The following HGSNAT variants were observed in gnomAD, a reference collection of about 807,000 sequenced individuals.
HGSNAT encodes heparan-alpha-glucosaminide N-acetyltransferase.
In HGSNAT, 59 loss-of-function variants were observed where a neutral mutation model predicts 85.2. The observed-to-expected ratio is 0.69, with a 90% CI of 0.56 to 0.86. HGSNAT has a LOEUF of 0.86. HGSNAT is among the 40% of genes least tolerant of loss of function. The probability of loss-of-function intolerance (pLI) is 0.00; values close to 1 mark genes in which losing one functional copy is unlikely to be tolerated. For synonymous variants in HGSNAT, 321 were observed against 304.5 expected, an observed-to-expected ratio of 1.05 and a Z score of -0.56; for missense variants, 756 against 777.1, an observed-to-expected ratio of 0.97 and a Z score of 0.32.
At chr8:43,167,923 C>CTTT in intron 5 of HGSNAT, 21 of 236,538 alleles carry the variant, frequency 8.9e-5, no homozygotes, top group South Asian at 3.0e-4. Context: ...TTCTTTCTTT[C>CTTT]TTTTTTTTTT....
Position 43,191,594 on chromosome 8 carries a change from A to G in HGSNAT, c.1249A>G (p.Thr417Ala). ...CCTCCTGCCAGTCCCTGGGTGCCCT[A>G]CGTAAGCGAACCCCTGGGGGTCATC... Reference protein sequence around the residue: ...TFLLPVPGCPTGYLGPGGIGD... With the variant: ...TFLLPVPGCPAGYLGPGGIGD... Residue 417 changes from threonine to alanine, a missense_variant and splice_region_variant, in exon 12 of 18, where the codon ACT becomes GCT. By Grantham distance (58) the Thr-to-Ala change is moderately conservative. Coordinates refer to ENST00000379644, the MANE Select transcript of HGSNAT (RefSeq NM_152419.3). The G allele has an allele frequency of 1.2e-6, 2 of 1,613,722 alleles. No homozygotes were observed. Among genetic ancestry groups the G allele is most frequent in the Non-Finnish European group, 1.7e-6 (2 of 1,179,732 alleles).
At position 43,192,327 on chromosome 8, in the gene HGSNAT, T is replaced by C. The variant is rs1157444077; in HGVS notation, c.1274T>C (p.Ile425Thr). The change falls in exon 13 of 18, where the codon ATT (isoleucine) becomes ACT (threonine). Residue 425 changes from isoleucine to threonine, a missense_variant. Physicochemically the swap from Ile to Thr is moderately conservative, Grantham distance 89. Coordinates refer to ENST00000379644, the MANE Select transcript of HGSNAT (RefSeq NM_152419.3). ...CPTGYLGPGG[I>T]GDFGKYPNCT... ...AGTGGTTATCTTGGTCCTGGGGGCATTGGAGATTTTGGCAAGTATCCAAAT... is the reference window on the plus strand; with the variant it reads ...AGTGGTTATCTTGGTCCTGGGGGCACTGGAGATTTTGGCAAGTATCCAAAT... 6 of 1,609,760 alleles carry C rather than the reference T, an allele frequency of 3.7e-6. No homozygotes were observed. The highest frequency in any genetic ancestry group is 1.7e-5 in the Admixed American group (1 of 59,364).
chr8:43,179,057 CA>C (rs1803922095), intron 10 of HGSNAT, among the ~76,000 whole-genome samples: 1 of 147,706 alleles, frequency 6.8e-6, no homozygotes, highest in Non-Finnish European at 1.5e-5. Flanking sequence ...ATTTTTTCCC[CA>C]CCCTTCCCGC....
chr8:43,200,000 C>T lies in HGSNAT; in HGVS notation c.*431C>T, dbSNP rs564693463. ...ACACGAAATGCCATCACTCCTACTG[C>T]GGCTGCTATGAAGCTTACTGGTTGT... On this transcript the variant is annotated 3_prime_UTR_variant, in exon 18 of 18. Transcript: ENST00000379644. 107 of 153,786 alleles carry T rather than the reference C, an allele frequency of 7.0e-4. No individual in the cohort carries two copies. The highest frequency in any genetic ancestry group is 1.3e-3 in the Non-Finnish European group (92 of 69,222). The allele number at this position is 153,786 out of a possible 1,614,324, so 9.5% of individuals were successfully genotyped here.
At chr8:43,189,126 C>G (rs905251968) in intron 11 of HGSNAT, among the ~76,000 whole-genome samples, 3 of 152,304 alleles carry the variant, frequency 2.0e-5, no homozygotes, top group Admixed American at 2.0e-4. Context: ...AGATCTCAAA[C>G]TCTGTGCTGG....
At position 43,199,726 on chromosome 8, in the gene HGSNAT, T is replaced by C. The variant is rs1804857902; in HGVS notation, c.*157T>C. 2.2e-6 allele frequency: 1 copy of C among 453,220 alleles called. No homozygotes were observed. The highest frequency in any genetic ancestry group is 5.7e-4 in the Middle Eastern group (1 of 1,754). The allele number at this position is 453,220 out of a possible 1,614,324, so 28.1% of individuals were successfully genotyped here. A position where few individuals can be genotyped will look rare whatever the true frequency, so the allele number is the denominator to read the frequency against. ...CTGATGTCCTCAAACTGGTTAACTGTGACACGGCTCGCCAGAACTCTGCCT... is the reference window on the plus strand; with the variant it reads ...CTGATGTCCTCAAACTGGTTAACTGCGACACGGCTCGCCAGAACTCTGCCT... On this transcript the variant is annotated 3_prime_UTR_variant, in exon 18 of 18. Transcript: ENST00000379644.
Position 43,158,932 on chromosome 8 carries a change from C to T in HGSNAT, c.381C>T (p.Tyr127=), listed in dbSNP as rs1304293313. The T allele has an allele frequency of 6.2e-7, 1 of 1,607,580 alleles. No individual in the cohort carries two copies. The highest frequency in any genetic ancestry group is 1.1e-5 in the South Asian group (1 of 90,038). Reference sequence around the variant, plus strand: ...TACCTAATGTTTGTAGGTTGGAATACAGATTTGGAGAATTTGGAAACTATT... The same window carrying T: ...TACCTAATGTTTGTAGGTTGGAATATAGATTTGGAGAATTTGGAAACTATT... ...LEEKEVCRLE[Y]RFGEFGNYSL... The change falls in exon 4 of 18, where the codon TAC becomes TAT. Residue 127 remains tyrosine (Y), a synonymous_variant. Coordinates refer to ENST00000379644, the MANE Select transcript of HGSNAT (RefSeq NM_152419.3).
rs1802473340 is a variant in HGSNAT at position 43,140,469 on chromosome 8, G to A, written c.-28G>A. ...AGCGCAGGGCGGGGCGCAGCGGGCA[G>A]GCAAGGGCGGCCGAGCGGGCGGCGG... On this transcript the variant is annotated 5_prime_UTR_variant, in exon 1 of 18. Coordinates refer to ENST00000379644, the MANE Select transcript of HGSNAT (RefSeq NM_152419.3). The A allele has an allele frequency of 1.5e-5, 14 of 947,462 alleles. No individual in the cohort carries two copies. The highest frequency in any genetic ancestry group is 5.4e-4 in the Middle Eastern group (1 of 1,860). 58.7% of individuals were successfully genotyped at this position (947,462 alleles called of 1,614,324 possible). A position where few individuals can be genotyped will look rare whatever the true frequency, so the allele number is the denominator to read the frequency against.
In HGSNAT at chr8:43,197,007, T is replaced by G; in HGVS notation, c.1524T>G (p.Thr508=). ...CCAAAGACATCCTGATTCGATTCAC[T>G]GCTTGGTGTTGTATTCTTGTAAGTA... ...ARTKDILIRF[T]AWCCILGLIS... Residue 508 remains threonine, a synonymous_variant, in exon 15 of 18, where the codon ACT becomes ACG. Transcript: ENST00000379644. 1 of 1,609,662 alleles carries G rather than the reference T, an allele frequency of 6.2e-7. No individual in the cohort carries two copies. Among genetic ancestry groups the G allele is most frequent in the Non-Finnish European group, 8.5e-7 (1 of 1,176,120 alleles).
At chr8:43,172,501 C>A in intron 8 of HGSNAT, 115 bp downstream of exon 8, 1 of 721,752 alleles carries the variant, frequency 1.4e-6, no homozygotes, top group Non-Finnish European at 2.4e-6. Flanking sequence ...CAGCAGCCTC[C>A]TCTGAGCCAC....
At chr8:43,141,511 G>A (rs1350163167) in intron 1 of HGSNAT, among the ~76,000 whole-genome samples, 4 of 152,136 alleles carry the variant, frequency 2.6e-5, no homozygotes, top group African/African-American at 9.7e-5. Flanking sequence ...CAGGCCCTAG[G>A]TCCTTCGCAC....
At chr8:43,158,082 A>G (rs962959764) in intron 2 of HGSNAT, among the ~76,000 whole-genome samples, 11 of 152,126 alleles carry the variant, frequency 7.2e-5, no homozygotes, top group Non-Finnish European at 1.6e-4. Context: ...TTCCATAGTG[A>G]CACAGTGATT....
At chr8:43,185,245 G>A (rs951764423) in intron 11 of HGSNAT, among the ~76,000 whole-genome samples, 2 of 152,158 alleles carry the variant, frequency 1.3e-5, no homozygotes, top group Non-Finnish European at 2.9e-5. Context: ...CCATTTTCAT[G>A]ATATTGATTC....
At chr8:43,188,262 C>T (rs367672133) in intron 11 of HGSNAT, among the ~76,000 whole-genome samples, 9 of 152,310 alleles carry the variant, frequency 5.9e-5, no homozygotes, top group East Asian at 3.9e-4. Context: ...CTGTTCTCCC[C>T]GTCACTTTCA....
At chr8:43,188,939 A>G (rs1002335792) in intron 11 of HGSNAT, among the ~76,000 whole-genome samples, 4 of 152,174 alleles carry the variant, frequency 2.6e-5, no homozygotes, top group African/African-American at 4.8e-5. Flanking sequence ...TTGCCTGGGT[A>G]TCACCAGTGG....
chr8:43,181,111 G>C (rs1804086881), intron 10 of HGSNAT, among the ~76,000 whole-genome samples: 2 of 56 alleles, frequency 0.036, no homozygotes. Context: ...GAGGGAGAGG[G>C]AGAGGGAGAG....
intron 11 of HGSNAT, among the ~76,000 whole-genome samples, chr8:43,189,424 C>G (rs565425147): frequency 6.6e-6 from 1 of 152,272 alleles, no homozygotes; most frequent in South Asian, 2.1e-4. Context: ...GGGCGTGGGA[C>G]CCTCCGAGCC....
intron 14 of HGSNAT, chr8:43,196,086 G>A (rs1804718134): frequency 3.9e-6 from 1 of 259,328 alleles, no homozygotes; most frequent in Non-Finnish European, 7.6e-6. Context: ...CTGGAGCCAC[G>A]CTCCCTGGGT....
At chr8:43,160,283 G>A (rs1222039111) in intron 4 of HGSNAT, among the ~76,000 whole-genome samples, 2 of 152,168 alleles carry the variant, frequency 1.3e-5, no homozygotes, top group Non-Finnish European at 2.9e-5. Context: ...AAGAATTCCA[G>A]GTAATAAATA....
Sources: gnomAD v4.1 joint callset for allele counts (sites outside exome capture counted in the v4.1 genomes callset) on GRCh38, gnomAD v4.1.1 for gene constraint, MANE v1.5 for transcripts, NCBI Gene and HGNC (gene_info 2026-07-23, HGNC 2026-07-21) for gene names.